Variants in KIAA0319L observed in about 807,000 individuals in gnomAD.
The protein encoded by KIAA0319L is dyslexia-associated protein KIAA0319-like protein.
In KIAA0319L, 55 loss-of-function variants were observed where a neutral mutation model predicts 120.1. That is an observed-to-expected ratio of 0.46 (90% confidence interval 0.37 to 0.57). The LOEUF (loss-of-function observed/expected upper bound fraction) is 0.57. Among genes scored for constraint, KIAA0319L ranks in the 20% least tolerant of loss-of-function variants. The pLI, the probability that KIAA0319L is intolerant of heterozygous loss-of-function variation, is 0.00. For synonymous variants in KIAA0319L, 398 were observed against 471.9 expected (o/e 0.84, Z 2.03); for missense variants, 1,049 against 1,255.3 (o/e 0.84, Z 2.48).
In KIAA0319L at chr1:35,437,246, G is replaced by A. The variant is rs765282008; in HGVS notation, c.2963-2165C>T. On this transcript the variant is annotated intron_variant, in intron 20 of 20. Coordinates refer to ENST00000325722, the MANE Select transcript of KIAA0319L (RefSeq NM_024874.5). The surrounding 1 kb of genome is among the most constrained non-coding windows in gnomAD (Gnocchi z 4.1). ...CACCTCTGCAGCGCGGCACTTCTCC[G>A]GGCCATCACCGCCCGTTTCTCCCCT... Among the ~76,000 whole-genome samples, 2 of 152,122 alleles carry A rather than the reference G, an allele frequency of 1.3e-5. No individual in the cohort carries two copies. Among genetic ancestry groups the A allele is most frequent in the Admixed American group, 6.5e-5 (1 of 15,278 alleles).
At chr1:35,465,585 C>G (rs1410162871) in intron 7 of KIAA0319L, among the ~76,000 whole-genome samples, 1 of 152,172 alleles carries the variant, frequency 6.6e-6, no homozygotes, top group African/African-American at 2.4e-5. Flanking sequence ...TCAGTTAATG[C>G]TGAAACGAGT....
At position 35,447,627 on chromosome 1, in the gene KIAA0319L, A is replaced by G. The variant is rs191491686; in HGVS notation, c.2513+546T>C. ...CACTCTGTCTTCCAGGCTGGAGTGC[A>G]GTGGTGTGATCAGAGCTCACTGCAG... is the stretch of plus-strand genomic sequence containing the variant. On this transcript the variant is annotated intron_variant, in intron 16 of 20. Transcript: ENST00000325722. 5.6e-5 allele frequency among the ~76,000 whole-genome samples: 8 copies of G among 143,456 alleles called. No homozygotes were observed. In the East Asian group the frequency reaches 1.6e-3, roughly 29 times the overall value. The allele number at this position is 143,456 out of a possible 152,430, so 94.1% of individuals were successfully genotyped here.
At chr1:35,555,413 C>T (rs141629928) in intron 1 of KIAA0319L, among the ~76,000 whole-genome samples, 1 of 152,244 alleles carries the variant, frequency 6.6e-6, no homozygotes, top group East Asian at 1.9e-4. Flanking sequence ...GGCTGGATAC[C>T]AATACTGACT....
intron 2 of KIAA0319L, among the ~76,000 whole-genome samples, chr1:35,551,979 T>C (rs1424549291): frequency 6.6e-6 from 1 of 152,032 alleles, no homozygotes; most frequent in Non-Finnish European, 1.5e-5. Flanking sequence ...AGACTTGGAA[T>C]TGCTTCTTCA....
At chr1:35,487,866 C>T (rs1558452627) in intron 3 of KIAA0319L, among the ~76,000 whole-genome samples, 1 of 152,178 alleles carries the variant, frequency 6.6e-6, no homozygotes, top group East Asian at 1.9e-4. Context: ...TTTCAGCAGG[C>T]CTCATGGAGT....
intron 3 of KIAA0319L, among the ~76,000 whole-genome samples, chr1:35,494,291 T>C (rs1644712646): frequency 1.3e-5 from 2 of 150,546 alleles, no homozygotes; most frequent in Non-Finnish European, 3.0e-5. Flanking sequence ...TACTAAAAAA[T>C]ACAAAAAATT....
chr1:35,477,458 G>A (rs1020469982), intron 4 of KIAA0319L, among the ~76,000 whole-genome samples: 3 of 152,112 alleles, frequency 2.0e-5, no homozygotes, highest in Admixed American at 6.5e-5. Context: ...ACAAGGTCAG[G>A]AGATCGAGAC....
chr1:35,534,858 CAAAAAAA>C (rs779838672), intron 2 of KIAA0319L, among the ~76,000 whole-genome samples: 7 of 42,638 alleles, frequency 1.6e-4, no homozygotes, highest in Non-Finnish European at 3.3e-4. Flanking sequence ...GACTCCGTCT[CAAAAAAA>C]AAAAAAAAAA....
chr1:35,553,204 C>G (rs909086982), intron 2 of KIAA0319L, among the ~76,000 whole-genome samples: 4 of 152,094 alleles, frequency 2.6e-5, no homozygotes, highest in Non-Finnish European at 5.9e-5. Context: ...GCACTCCAGC[C>G]TGGGTGACAA....
intron 3 of KIAA0319L, among the ~76,000 whole-genome samples, chr1:35,490,912 T>C (rs1261362721): frequency 6.6e-6 from 1 of 152,214 alleles, no homozygotes; most frequent in East Asian, 1.9e-4. Context: ...TGACTCTCTC[T>C]CTTTCCTGCA....
chr1:35,552,042 T>TA (rs766788729), intron 2 of KIAA0319L, among the ~76,000 whole-genome samples: 2,476 of 135,206 alleles, frequency 0.018, 59 homozygotes, highest in African/African-American at 0.055. Context: ...TGGTACTGGG[T>TA]AAAAAAAAAA....
At chr1:35,444,667 G>GGA (rs1183034597) in intron 16 of KIAA0319L, among the ~76,000 whole-genome samples, 4 of 152,174 alleles carry the variant, frequency 2.6e-5, no homozygotes, top group Admixed American at 2.0e-4. Flanking sequence ...CCATCTAACT[G>GGA]GAGGATGAGA....
At chr1:35,554,279 T>G in intron 2 of KIAA0319L, 71 bp downstream of exon 2, 1 of 1,191,314 alleles carries the variant, frequency 8.4e-7, no homozygotes, top group Non-Finnish European at 1.1e-6. Context: ...GTCCTTAAAA[T>G]GAACTGAGGG....
chr1:35,456,742 C>T (rs1642479994), intron 9 of KIAA0319L, among the ~76,000 whole-genome samples: 1 of 151,064 alleles, frequency 6.6e-6, no homozygotes, highest in African/African-American at 2.4e-5. Context: ...ACCCGGGAGG[C>T]GGACGTTGCA....
At chr1:35,489,484 G>A (rs1410155145) in intron 3 of KIAA0319L, among the ~76,000 whole-genome samples, 3 of 152,098 alleles carry the variant, frequency 2.0e-5, no homozygotes, top group African/African-American at 7.2e-5. Flanking sequence ...CAGACCAGCA[G>A]TCTTTCTGAG....
intron 5 of KIAA0319L, among the ~76,000 whole-genome samples, chr1:35,473,610 C>A (rs1643772436): frequency 6.6e-6 from 1 of 152,050 alleles, no homozygotes; most frequent in African/African-American, 2.4e-5. Flanking sequence ...AACTTGTCAC[C>A]AGAGGAAGAA....
intron 5 of KIAA0319L, among the ~76,000 whole-genome samples, chr1:35,473,603 T>C (rs1235329834): frequency 6.6e-6 from 1 of 152,022 alleles, no homozygotes; most frequent in Non-Finnish European, 1.5e-5. Flanking sequence ...TCACCTTAAC[T>C]TGTCACCAGA....
intron 2 of KIAA0319L, among the ~76,000 whole-genome samples, chr1:35,526,356 T>TATATATATATACATAC (rs1646130763): frequency 6.9e-6 from 1 of 145,482 alleles, no homozygotes; most frequent in Non-Finnish European, 1.5e-5. Context: ...CGTGTGTGTG[T>TATATATATATACATAC]GTATATATAT....
At chr1:35,496,259 A>C (rs917294416) in intron 3 of KIAA0319L, among the ~76,000 whole-genome samples, 3 of 151,576 alleles carry the variant, frequency 2.0e-5, no homozygotes, top group African/African-American at 7.3e-5. Flanking sequence ...GTCTCTACTA[A>C]AAATACAAAA....
Sources: allele counts gnomAD v4.1 joint callset (sites outside exome capture counted in the v4.1 genomes callset), GRCh38; gene constraint gnomAD v4.1.1; non-coding constraint Gnocchi (gnomAD v3.1); transcripts MANE v1.5; gene names NCBI Gene and HGNC (gene_info 2026-07-23, HGNC 2026-07-21).